Variants in CSMD1 observed in about 807,000 individuals in gnomAD.
CSMD1 encodes CUB and sushi domain-containing protein 1.
Under a neutral mutation model 417.5 loss-of-function variants are expected in CSMD1, and 213 were observed. The observed-to-expected ratio is 0.51, with a 90% CI of 0.46 to 0.57. The LOEUF is 0.57. Ranked by LOEUF, CSMD1 falls within the 20% of genes least tolerant of loss-of-function variation. The pLI is 0.00. For synonymous variants in CSMD1, 2,862 were observed against 1,736.8 expected (o/e 1.65, Z -16.11); for missense variants, 6,923 against 4,529.7 (o/e 1.53, Z -15.17).
At chr8:3,144,290 T>C (rs1417177956) in intron 40 of CSMD1, among the ~76,000 whole-genome samples, 2 of 152,050 alleles carry the variant, frequency 1.3e-5, no homozygotes, top group African/African-American at 4.8e-5. Flanking sequence ...GCCAATAGAC[T>C]AGACAAGAGC....
rs899040854 is a variant in CSMD1 at position 4,787,668 on chromosome 8, A to G, written c.86-150110T>C. On this transcript the variant is annotated intron_variant, in intron 1 of 69. Transcript: ENST00000635120. ...AGAAATCCTGGTGTCAAGGAAGGAT[A>G]TAAGTTTACCCACCTAAAGTGGAGT... 9 of 1,587,880 alleles carry G rather than the reference A, an allele frequency of 5.7e-6. No homozygotes were observed. The African/African-American group carries it at 6.7e-5, about 12-fold the overall frequency.
At chr8:3,072,061 T>C (rs1231178429) in intron 49 of CSMD1, among the ~76,000 whole-genome samples, 1 of 152,216 alleles carries the variant, frequency 6.6e-6, no homozygotes, top group African/African-American at 2.4e-5. Context: ...AATGCTCGTC[T>C]AAGTTATTTT....
intron 5 of CSMD1, among the ~76,000 whole-genome samples, chr8:3,798,504 G>C (rs1417386718): frequency 6.6e-6 from 1 of 152,042 alleles, no homozygotes; most frequent in African/African-American, 2.4e-5. Flanking sequence ...AGGTCAAAAG[G>C]TGAGAAAGAA....
chr8:4,873,395 A>T (rs2116923696), intron 1 of CSMD1, among the ~76,000 whole-genome samples: 1 of 152,276 alleles, frequency 6.6e-6, no homozygotes, highest in South Asian at 2.1e-4. Context: ...AGACTCCCGG[A>T]CACTCAGCAG....
At chr8:3,129,614 A>G (rs1385848998) in intron 41 of CSMD1, among the ~76,000 whole-genome samples, 1 of 151,758 alleles carries the variant, frequency 6.6e-6, no homozygotes, top group African/African-American at 2.4e-5. Flanking sequence ...CTCTATACTA[A>G]AAGTACAAAA....
At chr8:4,229,727 A>T (rs1801591572) in intron 3 of CSMD1, among the ~76,000 whole-genome samples, 2 of 151,834 alleles carry the variant, frequency 1.3e-5, no homozygotes, top group Non-Finnish European at 2.9e-5. Flanking sequence ...GACCCACCCC[A>T]TCCTCTGCCG....
intron 31 of CSMD1, among the ~76,000 whole-genome samples, chr8:3,203,638 A>C (rs7823434): frequency 0.018 from 2,715 of 152,300 alleles, 88 homozygotes; most frequent in African/African-American, 0.063. Flanking sequence ...GGGGGATTGG[A>C]ATGCAAAGGC....
At chr8:4,067,404 C>CTTTTTAG (rs1420892362) in intron 3 of CSMD1, among the ~76,000 whole-genome samples, 14 of 152,116 alleles carry the variant, frequency 9.2e-5, no homozygotes, top group Non-Finnish European at 1.9e-4. Context: ...ACAGTATTTC[C>CTTTTTAG]TAGACTAATG....
chr8:4,592,419 C>T (rs1800038013), intron 2 of CSMD1, among the ~76,000 whole-genome samples: 1 of 151,926 alleles, frequency 6.6e-6, no homozygotes, highest in Admixed American at 6.6e-5. Context: ...TGGAGTCTTA[C>T]TCCATCTCCC....
At chr8:4,698,302 G>A (rs1807270698) in intron 1 of CSMD1, among the ~76,000 whole-genome samples, 2 of 152,120 alleles carry the variant, frequency 1.3e-5, no homozygotes. Flanking sequence ...TTTCAAATGA[G>A]TTTTTGATGA....
chr8:4,709,760 C>A (rs1808174385), intron 1 of CSMD1, among the ~76,000 whole-genome samples: 1 of 152,142 alleles, frequency 6.6e-6, no homozygotes. Flanking sequence ...ATCAGTGCGT[C>A]CCTATGGCTC....
intron 11 of CSMD1, among the ~76,000 whole-genome samples, chr8:3,485,244 C>T (rs902314316): frequency 6.6e-6 from 1 of 152,096 alleles, no homozygotes; most frequent in African/African-American, 2.4e-5. Flanking sequence ...GAAACGATTG[C>T]AGTACACAAA....
At chr8:4,577,327 C>T (rs951353373) in intron 2 of CSMD1, among the ~76,000 whole-genome samples, 4 of 152,128 alleles carry the variant, frequency 2.6e-5, no homozygotes, top group African/African-American at 7.2e-5. Context: ...AATAATGATG[C>T]CCCAAAATAT....
chr8:3,502,844 C>T (rs1012250426), intron 10 of CSMD1, among the ~76,000 whole-genome samples: 4 of 152,114 alleles, frequency 2.6e-5, no homozygotes, highest in South Asian at 4.1e-4. Context: ...TGAGCCCTAA[C>T]GTGCACTATG....
chr8:4,628,840 C>T (rs1802326704), intron 2 of CSMD1, among the ~76,000 whole-genome samples: 2 of 152,090 alleles, frequency 1.3e-5, no homozygotes, highest in South Asian at 2.1e-4. Context: ...TGAGCTCCCA[C>T]CATCATCTAG....
chr8:4,024,024 A>G (rs772503445), intron 4 of CSMD1, among the ~76,000 whole-genome samples: 6 of 152,114 alleles, frequency 3.9e-5, no homozygotes, highest in Non-Finnish European at 7.4e-5. Flanking sequence ...CAAAGGTTCT[A>G]TTGCAATTGA....
At chr8:4,742,491 T>C (rs545047004) in intron 1 of CSMD1, among the ~76,000 whole-genome samples, 1 of 152,218 alleles carries the variant, frequency 6.6e-6, no homozygotes, top group South Asian at 2.1e-4. Flanking sequence ...CACGCACACA[T>C]ACATATACAC....
chr8:3,125,665 G>A (rs1239060973), intron 41 of CSMD1, among the ~76,000 whole-genome samples: 1 of 152,176 alleles, frequency 6.6e-6, no homozygotes, highest in Non-Finnish European at 1.5e-5. Context: ...AAGAGTTGTT[G>A]TATTATCTGT....
chr8:4,504,831 C>T (rs62479718), intron 2 of CSMD1, among the ~76,000 whole-genome samples: 61 of 152,256 alleles, frequency 4.0e-4, no homozygotes, highest in Non-Finnish European at 7.2e-4. Flanking sequence ...TTTATGGCTG[C>T]ATAGTATTCC....
Sources: allele counts gnomAD v4.1 joint callset (sites outside exome capture counted in the v4.1 genomes callset), GRCh38; gene constraint gnomAD v4.1.1; transcripts MANE v1.5; gene names NCBI Gene and HGNC (gene_info 2026-07-23, HGNC 2026-07-21).